CHAF1A: variants seen among roughly 807,000 people sequenced by gnomAD.
CHAF1A encodes chromatin assembly factor 1 subunit A, also known as CAF-1 subunit A.
In CHAF1A, 5 loss-of-function variants were observed where a neutral mutation model predicts 93.2. The ratio of observed to expected loss-of-function variants is 0.05; its 90% confidence interval spans 0.03 to 0.11. The LOEUF is 0.11. Ranked by LOEUF, CHAF1A falls within the 10% of genes least tolerant of loss-of-function variation. CHAF1A has a pLI of 1.00. For missense variants in CHAF1A, 1,102 were observed against 1,259.9 expected, an observed-to-expected ratio of 0.87 and a Z score of 1.90; for synonymous variants, 504 against 510.3, an observed-to-expected ratio of 0.99 and a Z score of 0.17.
rs533467920 is a variant in CHAF1A at position 4,422,727 on chromosome 19, T to C, written c.1179T>C (p.Asp393=). 2.5e-6 allele frequency: 4 copies of C among 1,611,596 alleles called. No homozygotes were observed. Among genetic ancestry groups the C allele is most frequent in the East Asian group, 2.2e-5 (1 of 44,786 alleles). ...EKERREKREK[D]EKEKAEKQRL... Reference sequence around the variant, plus strand: ...AGAGGCGGGAGAAGCGGGAGAAGGATGAGAAGGAGAAGGCGGAGAAGCAGC... The same window carrying C: ...AGAGGCGGGAGAAGCGGGAGAAGGACGAGAAGGAGAAGGCGGAGAAGCAGC... The change falls in exon 5 of 15, where the codon GAT becomes GAC. Residue 393 remains aspartate, a synonymous_variant. Coordinates refer to ENST00000301280, the MANE Select transcript of CHAF1A (RefSeq NM_005483.3). This position sits in a 1 kb window ranked among gnomAD's most constrained non-coding sequence, Gnocchi z 4.6.
Position 4,409,011 on chromosome 19 carries a change from C to G in CHAF1A, c.212C>G (p.Ser71Cys). The G allele has an allele frequency of 6.2e-7, 1 of 1,614,168 alleles. No homozygotes were observed. Among genetic ancestry groups the G allele is most frequent in the African/African-American group, 1.3e-5 (1 of 75,036 alleles). Residue 71 changes from serine (S) to cysteine (C), a missense_variant, in exon 3 of 15, where the codon TCT becomes TGT. Coordinates refer to ENST00000301280, the MANE Select transcript of CHAF1A (RefSeq NM_005483.3). ...AGTAAAAGCCCCGATTTAGAGGCCTCTTTGGACACCTTGGAAAACAACTGT... is the reference window on the plus strand; with the variant it reads ...AGTAAAAGCCCCGATTTAGAGGCCTGTTTGGACACCTTGGAAAACAACTGT... ...VQSKSPDLEA[S>C]LDTLENNCHV... is the part of the protein sequence containing the mutation.
chr19:4,416,105 C>T (rs1411596243), intron 3 of CHAF1A, among the ~76,000 whole-genome samples: 2 of 151,864 alleles, frequency 1.3e-5, no homozygotes, highest in African/African-American at 2.4e-5. Flanking sequence ...ACCCGGGAGG[C>T]GGAGCTTGCA....
At chr19:4,447,714 G>T, downstream of CHAF1A, 1 of 1,312,174 alleles carries the variant, frequency 7.6e-7, no homozygotes, top group Non-Finnish European at 1.1e-6. Flanking sequence ...CAGCAGCTCA[G>T]CCACACTTGG....
At chr19:4,430,879 T>C in intron 11 of CHAF1A, 1 of 521,092 alleles carries the variant, frequency 1.9e-6, no homozygotes, top group East Asian at 3.4e-5. Context: ...GCAGACACCC[T>C]GGTGAGGGAG....
chr19:4,411,839 G>A lies in CHAF1A; in HGVS notation c.960+2080G>A, dbSNP rs961797570. Among the ~76,000 whole-genome samples, 46 of 151,432 alleles carry A rather than the reference G, an allele frequency of 3.0e-4. 1 individual carries two copies. The highest frequency in any genetic ancestry group is 1.1e-3 in the African/African-American group (44 of 41,306). On this transcript the variant is annotated intron_variant, in intron 3 of 14. Coordinates refer to ENST00000301280, the MANE Select transcript of CHAF1A (RefSeq NM_005483.3). ...ATTTTTGTATCTTTTCAGTAGAGAC[G>A]GGTTTCACCATGTTGGCCAGGCTGG... is the stretch of plus-strand genomic sequence containing the variant.
downstream of CHAF1A, chr19:4,445,314 C>A: frequency 9.8e-7 from 1 of 1,020,180 alleles, no homozygotes; most frequent in African/African-American, 1.6e-5. Flanking sequence ...TCCCCACAGC[C>A]CCCAAGGGAT....
At chr19:4,412,270 C>T (rs1340752495) in intron 3 of CHAF1A, among the ~76,000 whole-genome samples, 2 of 152,200 alleles carry the variant, frequency 1.3e-5, no homozygotes, top group South Asian at 2.1e-4. Flanking sequence ...TGGCTGGGCG[C>T]GGTGGCTCAC....
chr19:4,415,956 G>A lies in CHAF1A; in HGVS notation c.961-2064G>A, dbSNP rs192795245. The stretch of plus-strand genomic sequence containing the variant: ...TGGGAGGCCGAGGCGGGCGGATCAC[G>A]AGGTCAGGAGATCGAGACCATCCTG... On this transcript the variant is annotated intron_variant, in intron 3 of 14. Transcript: ENST00000301280. Among the ~76,000 whole-genome samples the A allele has an allele frequency of 1.0e-3, 153 of 152,002 alleles. 2 individuals are homozygous for A. Among genetic ancestry groups the A allele is most frequent in the African/African-American group, 3.3e-3 (136 of 41,458 alleles).
chr19:4,406,580 G>A (rs1377876053), intron 2 of CHAF1A, among the ~76,000 whole-genome samples: 4 of 152,002 alleles, frequency 2.6e-5, no homozygotes, highest in Admixed American at 6.6e-5. Context: ...GATTACAGGC[G>A]CGTGCCACCA....
chr19:4,432,286 T>A, intron 12 of CHAF1A, 79 bp downstream of exon 12: 1 of 1,457,276 alleles, frequency 6.9e-7, no homozygotes, highest in Non-Finnish European at 9.1e-7. Context: ...AGTCACAGGC[T>A]AGTGGGTCCG....
chr19:4,421,350 A>G (rs1447772529), intron 4 of CHAF1A, among the ~76,000 whole-genome samples: 1 of 152,134 alleles, frequency 6.6e-6, no homozygotes, highest in African/African-American at 2.4e-5. Context: ...CTGGGATTAT[A>G]GGTGTGAGCC....
intron 4 of CHAF1A, among the ~76,000 whole-genome samples, chr19:4,419,460 G>A (rs2145097303): frequency 6.6e-6 from 1 of 151,212 alleles, no homozygotes; most frequent in East Asian, 2.0e-4. Flanking sequence ...TTGAGACACA[G>A]TCTCTGTTGC....
downstream of CHAF1A, chr19:4,446,649 C>T (rs774653205): frequency 8.7e-6 from 14 of 1,612,346 alleles, no homozygotes; most frequent in Non-Finnish European, 8.5e-7. Flanking sequence ...GCAGCTGTTC[C>T]TTGTGCCTCT....
At chr19:4,426,384 G>A (rs1234279711) in intron 7 of CHAF1A, among the ~76,000 whole-genome samples, 1 of 151,930 alleles carries the variant, frequency 6.6e-6, no homozygotes, top group Non-Finnish European at 1.5e-5. Flanking sequence ...TGGCCAGGAT[G>A]GTCTCGATCT....
chr19:4,429,366 G>C, intron 8 of CHAF1A, 72 bp from the exon 9 acceptor site: 1 of 1,528,556 alleles, frequency 6.5e-7, no homozygotes, highest in Non-Finnish European at 8.9e-7. Flanking sequence ...AGCTTCACAG[G>C]GAGGTTCCTG....
In CHAF1A at chr19:4,443,328, A is replaced by AC; in HGVS notation, c.*306dup. 1 of 370,244 alleles carries AC rather than the reference A, an allele frequency of 2.7e-6. No individual in the cohort carries two copies. Among genetic ancestry groups the AC allele is most frequent in the South Asian group, 2.6e-5 (1 of 38,616 alleles). The allele number at this position is 370,244 out of a possible 1,614,324, so 22.9% of individuals were successfully genotyped here. A position where few individuals can be genotyped will look rare whatever the true frequency, so the allele number is the denominator to read the frequency against. On this transcript the variant is annotated 3_prime_UTR_variant, in exon 15 of 15. Coordinates refer to ENST00000301280, the MANE Select transcript of CHAF1A (RefSeq NM_005483.3). ...GTAAATGAATTGAAGCGTCAGGACC[A>AC]CCCGCCTGGCCACGTGCGCGGGCCC...
rs546517446 is a variant in CHAF1A at position 4,414,392 on chromosome 19, G to A, written c.961-3628G>A. ...CTCCAGCCTGGGCAACAGCCAGACC[G>A]TCTCAAAAAAAAAAAAAAACAAAAA... On this transcript the variant is annotated intron_variant, in intron 3 of 14. Transcript: ENST00000301280. Among the ~76,000 whole-genome samples the A allele has an allele frequency of 4.7e-5, 6 of 128,356 alleles. No individual in the cohort carries two copies. In the East Asian group the frequency reaches 7.9e-4, roughly 17 times the overall value. 84.2% of individuals were successfully genotyped at this position (128,356 alleles called of 152,430 possible). A position where few individuals can be genotyped will look rare whatever the true frequency, so the allele number is the denominator to read the frequency against.
chr19:4,424,778 G>A (rs745397993), intron 7 of CHAF1A, among the ~76,000 whole-genome samples: 2 of 152,160 alleles, frequency 1.3e-5, no homozygotes, highest in Admixed American at 6.6e-5. Flanking sequence ...GGGATTACAG[G>A]CACATGCTAC....
chr19:4,411,642 A>ATTTTTTTTTTTT (rs1202069647), intron 3 of CHAF1A, among the ~76,000 whole-genome samples: 5 of 38,064 alleles, frequency 1.3e-4, no homozygotes, highest in Non-Finnish European at 3.0e-4. Flanking sequence ...AATGGTGCAA[A>ATTTTTTTTTTTT]TCTTTTTTTT....
Sources: allele counts gnomAD v4.1 joint callset (sites outside exome capture counted in the v4.1 genomes callset), GRCh38; gene constraint gnomAD v4.1.1; non-coding constraint Gnocchi (gnomAD v3.1); transcripts MANE v1.5; gene names NCBI Gene and HGNC (gene_info 2026-07-23, HGNC 2026-07-21).